The following PHAF1 variants were observed in gnomAD, a reference collection of about 807,000 sequenced individuals.
The protein encoded by PHAF1 is phagosome assembly factor 1.
In PHAF1, 23 loss-of-function variants were observed where a neutral mutation model predicts 63.1. The ratio of observed to expected loss-of-function variants is 0.36; its 90% confidence interval spans 0.26 to 0.52. The LOEUF is 0.52. Ranked by LOEUF, PHAF1 falls within the 20% of genes least tolerant of loss-of-function variation. The pLI is 0.93. For missense variants in PHAF1, 427 were observed against 517.2 expected, an observed-to-expected ratio of 0.83 and a Z score of 1.69; for synonymous variants, 167 against 185.0, an observed-to-expected ratio of 0.90 and a Z score of 0.79.
intron 2 of PHAF1, among the ~76,000 whole-genome samples, chr16:67,122,342 T>C (rs1963014263): frequency 6.6e-6 from 1 of 152,156 alleles, no homozygotes. Context: ...CCAGGCACTG[T>C]GGCTCACACC....
At chr16:67,119,664 G>A (rs1962895462) in intron 1 of PHAF1, among the ~76,000 whole-genome samples, 1 of 151,132 alleles carries the variant, frequency 6.6e-6, no homozygotes, top group Admixed American at 6.6e-5. Flanking sequence ...GGGACTACAA[G>A]GGCAGCCACC....
At chr16:67,116,455 G>T (rs1962735109) in intron 1 of PHAF1, among the ~76,000 whole-genome samples, 1 of 152,156 alleles carries the variant, frequency 6.6e-6, no homozygotes, top group Non-Finnish European at 1.5e-5. Flanking sequence ...ATTTAAATGT[G>T]AACTGACTGC....
chr16:67,146,934 A>T lies in PHAF1; in HGVS notation c.1183-111A>T, dbSNP rs1299754566. On this transcript the variant is annotated intron_variant, in intron 15 of 15. Transcript: ENST00000219139. Reference sequence around the variant, plus strand: ...ACCAGGGGAGGTTGAGGAGTCGGGAAACCCAGCCATTAGGTGCAGGTATGT... The same window carrying T: ...ACCAGGGGAGGTTGAGGAGTCGGGATACCCAGCCATTAGGTGCAGGTATGT... 4.0e-6 allele frequency: 4 copies of T among 1,008,000 alleles called. No individual in the cohort carries two copies. In the African/African-American group the frequency reaches 6.3e-5, roughly 16 times the overall value. The allele number at this position is 1,008,000 out of a possible 1,614,324, so 62.4% of individuals were successfully genotyped here.
At chr16:67,131,434 A>T in intron 4 of PHAF1, 105 bp downstream of exon 4, 1 of 851,150 alleles carries the variant, frequency 1.2e-6, no homozygotes, top group Non-Finnish European at 1.8e-6. Flanking sequence ...GATGTGAATT[A>T]TAGCCTGGTG....
Position 67,120,136 on chromosome 16 carries a change from C to G in PHAF1, c.89C>G (p.Ala30Gly). The G allele has an allele frequency of 6.2e-7, 1 of 1,613,974 alleles. No individual in the cohort carries two copies. The highest frequency in any genetic ancestry group is 1.3e-5 in the African/African-American group (1 of 75,042). The change falls in exon 2 of 16, where the codon GCC (alanine) becomes GGC (glycine). Residue 30 changes from alanine to glycine, a missense_variant. Physicochemically the swap from Ala to Gly is moderately conservative, Grantham distance 60. Transcript: ENST00000219139. ...TLGMPLAQAV[A>G]ILQKHCRIIK... ...GGAATGCCTCTGGCTCAGGCAGTAG[C>G]CATTCTTCAGAAGCACTGTCGCATC...
In PHAF1 at chr16:67,148,076, T is replaced by G. The variant is rs1436403406; in HGVS notation, c.*945T>G. The G allele has an allele frequency of 6.5e-6, 1 of 152,676 alleles. No individual in the cohort carries two copies. Among genetic ancestry groups the G allele is most frequent in the Admixed American group, 6.5e-5 (1 of 15,290 alleles). The allele number at this position is 152,676 out of a possible 1,614,324, so 9.5% of individuals were successfully genotyped here. On this transcript the variant is annotated 3_prime_UTR_variant, in exon 16 of 16. Transcript: ENST00000219139. The stretch of plus-strand genomic sequence containing the variant: ...TATGTGCTTTAAAAATATTAATCCT[T>G]TTGAAAAGAACTGAGAAGAAAAATG...
In PHAF1 at chr16:67,132,887, A is replaced by T. The variant is rs754747332; in HGVS notation, c.426A>T (p.Ser142=). The change falls in exon 6 of 16, where the codon TCA becomes TCT. Residue 142 remains serine, a synonymous_variant. Coordinates refer to ENST00000219139, the MANE Select transcript of PHAF1 (RefSeq NM_025187.5). ...RGLSFSFQLD[S]WTEAPKYEPN... is the part of the protein sequence containing the mutation. The stretch of plus-strand genomic sequence containing the variant: ...TGTCTTTCTCTTTTCAGTTAGACTC[A>T]TGGACTGAGGCTCCAAAGTATGAGG... The T allele has an allele frequency of 6.2e-7, 1 of 1,612,464 alleles. No homozygotes were observed. The highest frequency in any genetic ancestry group is 1.1e-5 in the South Asian group (1 of 91,054).
intron 9 of PHAF1, 105 bp from the exon 10 acceptor site, chr16:67,140,406 T>A: frequency 9.4e-7 from 1 of 1,059,924 alleles, no homozygotes; most frequent in Non-Finnish European, 1.4e-6. Flanking sequence ...TCTTGCTTGT[T>A]CCGCAGCTTA....
chr16:67,146,979 A>G, intron 15 of PHAF1, 66 bp from the exon 16 acceptor site: 1 of 1,425,648 alleles, frequency 7.0e-7, no homozygotes, highest in Non-Finnish European at 9.9e-7. Flanking sequence ...TCCAGCCCTC[A>G]TGCACAGGAT....
At chr16:67,116,001 A>G (rs1042178082) in intron 1 of PHAF1, among the ~76,000 whole-genome samples, 7 of 152,168 alleles carry the variant, frequency 4.6e-5, no homozygotes, top group Non-Finnish European at 8.8e-5. Context: ...AAAAAAAGAA[A>G]AAGAAACTGG....
intron 1 of PHAF1, among the ~76,000 whole-genome samples, chr16:67,118,159 G>A (rs1177345356): frequency 1.5e-5 from 2 of 131,430 alleles, no homozygotes; most frequent in East Asian, 2.3e-4. Context: ...TTTTTTAGTA[G>A]AGATGGGCTT....
In PHAF1 at chr16:67,110,141, G is replaced by C. The variant is rs763016633; in HGVS notation, c.-35G>C. The C allele has an allele frequency of 1.3e-6, 2 of 1,549,700 alleles. No individual in the cohort carries two copies. The highest frequency in any genetic ancestry group is 2.4e-5 in the South Asian group (2 of 83,988). ...TAGCTCGGGTCCCTTCTGCGCTGCC[G>C]CAGGGAGGCCGCCCGGGCCAGGCGA... On this transcript the variant is annotated 5_prime_UTR_variant, in exon 1 of 16. Coordinates refer to ENST00000219139, the MANE Select transcript of PHAF1 (RefSeq NM_025187.5).
At position 67,131,349 on chromosome 16, in the gene PHAF1, G is replaced by A; in HGVS notation, c.275+20G>A. On this transcript the variant is annotated intron_variant, in intron 4 of 15. Coordinates refer to ENST00000219139, the MANE Select transcript of PHAF1 (RefSeq NM_025187.5). The stretch of plus-strand genomic sequence containing the variant: ...ATATTGGTAAGTTTTCTCCCCTGCT[G>A]GTATATGTCACACTTGGTATAGACA... 1.9e-6 allele frequency: 3 copies of A among 1,550,040 alleles called. No homozygotes were observed. Among genetic ancestry groups the A allele is most frequent in the South Asian group, 2.3e-5 (2 of 85,728 alleles).
intron 14 of PHAF1, 51 bp downstream of exon 14, chr16:67,145,679 C>T (rs1597220062): frequency 6.4e-7 from 1 of 1,566,358 alleles, no homozygotes. Flanking sequence ...CCTCAGAGCC[C>T]AGAAAGCCCA....
intron 1 of PHAF1, among the ~76,000 whole-genome samples, chr16:67,118,253 G>T (rs1303995114): frequency 2.7e-5 from 4 of 147,442 alleles, no homozygotes; most frequent in Non-Finnish European, 6.0e-5. Context: ...GATTACGGAC[G>T]TGAGCCACTG....
rs373521165 is a variant in PHAF1, at chr16:67,145,612, C to A, written c.1093C>A (p.Pro365Thr). The change falls in exon 14 of 16, where the codon CCT becomes ACT. Residue 365 changes from proline to threonine, a missense_variant. By Grantham distance (38) the Pro-to-Thr change is conservative (BLOSUM62 -1). Coordinates refer to ENST00000219139, the MANE Select transcript of PHAF1 (RefSeq NM_025187.5). Reference sequence around the variant, plus strand: ...GCTCCTGGGCCACCCTGTGGAGAAGCCTGTTGTCCTGCACAGGTGAGTGGG... The same window carrying A: ...GCTCCTGGGCCACCCTGTGGAGAAGACTGTTGTCCTGCACAGGTGAGTGGG... ...QELLGHPVEK[P>T]VVLHRSSSPN... 40 of 1,613,888 alleles carry A rather than the reference C, an allele frequency of 2.5e-5. No homozygotes were observed. The highest frequency in any genetic ancestry group is 8.5e-6 in the Non-Finnish European group (10 of 1,179,964).
At chr16:67,114,551 C>T (rs1014557492) in intron 1 of PHAF1, among the ~76,000 whole-genome samples, 3 of 139,316 alleles carry the variant, frequency 2.2e-5, no homozygotes, top group East Asian at 4.1e-4. Flanking sequence ...ATCTTCCAGT[C>T]GAATGAAAGA....
chr16:67,131,779 G>A lies in PHAF1; in HGVS notation c.275+450G>A, dbSNP rs372157572. 1.1e-4 allele frequency among the ~76,000 whole-genome samples: 17 copies of A among 152,338 alleles called. No individual in the cohort carries two copies. The East Asian group carries it at 2.9e-3, about 26-fold the overall frequency. ...TAATGTATTTTTTAGAATTACAGCG[G>A]GGATGACATGCACAGTCCAAAGTTG... On this transcript the variant is annotated intron_variant, in intron 4 of 15. Transcript: ENST00000219139.
intron 4 of PHAF1, 117 bp downstream of exon 4, chr16:67,131,446 C>T: frequency 1.3e-6 from 1 of 756,348 alleles, no homozygotes; most frequent in Admixed American, 2.9e-5. Flanking sequence ...AGCCTGGTGC[C>T]ATGAATTCCT....
Sources: allele counts gnomAD v4.1 joint callset (sites outside exome capture counted in the v4.1 genomes callset), GRCh38; gene constraint gnomAD v4.1.1; transcripts MANE v1.5; gene names NCBI Gene and HGNC (gene_info 2026-07-23, HGNC 2026-07-21).